The following TNFRSF11A variants were observed in gnomAD, a reference collection of about 807,000 sequenced individuals.
TNFRSF11A encodes TNF receptor superfamily member 11a, also known as tumor necrosis factor receptor superfamily member 11A.
In TNFRSF11A, 32 loss-of-function variants were observed where a neutral mutation model predicts 55.7. The observed-to-expected ratio is 0.57, with a 90% CI of 0.43 to 0.77. TNFRSF11A has a LOEUF of 0.77. Ranked by LOEUF, TNFRSF11A falls within the 30% of genes least tolerant of loss-of-function variation. TNFRSF11A has a pLI of 0.00. For missense variants in TNFRSF11A, 753 were observed against 809.8 expected, an observed-to-expected ratio of 0.93 and a Z score of 0.85; for synonymous variants, 311 against 331.0, an observed-to-expected ratio of 0.94 and a Z score of 0.65.
chr18:62,349,137 C>T (rs1274026823), intron 2 of TNFRSF11A, among the ~76,000 whole-genome samples: 3 of 150,820 alleles, frequency 2.0e-5, no homozygotes, highest in East Asian at 3.9e-4. Flanking sequence ...TCAAGTTCTG[C>T]GGCCCAGTTT....
chr18:62,359,333 A>G (rs17544634), intron 5 of TNFRSF11A, among the ~76,000 whole-genome samples: 4,036 of 152,316 alleles, frequency 0.026, 120 homozygotes, highest in East Asian at 0.14. Context: ...AAAAAGAGCA[A>G]TCAGCAAAAG....
intron 1 of TNFRSF11A, among the ~76,000 whole-genome samples, chr18:62,327,557 T>C (rs980531004): frequency 2.6e-5 from 4 of 152,250 alleles, no homozygotes; most frequent in Non-Finnish European, 5.9e-5. Context: ...AAGCTCTCTC[T>C]GTATTCAATG....
chr18:62,386,283 T>C lies in TNFRSF11A; in HGVS notation c.*1249T>C, dbSNP rs528208963. On this transcript the variant is annotated 3_prime_UTR_variant, in exon 10 of 10. Coordinates refer to ENST00000586569, the MANE Select transcript of TNFRSF11A (RefSeq NM_003839.4). ...AGTTGAAATTTTAATTTGCATTTTT[T>C]TTGTCTAGATAAGAATAGCGTGAAT... The C allele has an allele frequency of 6.6e-6, 1 of 152,314 alleles. No homozygotes were observed. The highest frequency in any genetic ancestry group is 1.9e-4 in the East Asian group (1 of 5,190). 9.4% of individuals were successfully genotyped at this position (152,314 alleles called of 1,614,324 possible).
Position 62,383,039 on chromosome 18 carries a change from C to T in TNFRSF11A, c.1568-1712C>T, listed in dbSNP as rs1911404772. On this transcript the variant is annotated intron_variant, in intron 9 of 9. Coordinates refer to ENST00000586569, the MANE Select transcript of TNFRSF11A (RefSeq NM_003839.4). The surrounding 1 kb of genome is among the most constrained non-coding windows in gnomAD (Gnocchi z 4.2). ...GACCCTCACTGGAGTACGCTGCATG[C>T]CTGGCAATGTGTGGAGAGGGGGTGG... is the stretch of plus-strand genomic sequence containing the variant. 6.6e-6 allele frequency among the ~76,000 whole-genome samples: 1 copy of T among 152,114 alleles called. No individual in the cohort carries two copies. The highest frequency in any genetic ancestry group is 1.5e-5 in the Non-Finnish European group (1 of 68,018).
chr18:62,361,872 T>C, intron 7 of TNFRSF11A, 79 bp downstream of exon 7: 2 of 1,238,672 alleles, frequency 1.6e-6, no homozygotes, highest in South Asian at 1.2e-5. Flanking sequence ...GTTGAGTAGA[T>C]TGTCTACTTG....
chr18:62,369,398 AG>A lies in TNFRSF11A; in HGVS notation c.1483del (p.Asp495MetfsTer31). 1 of 1,611,792 alleles carries A rather than the reference AG, an allele frequency of 6.2e-7. No homozygotes were observed. The highest frequency in any genetic ancestry group is 8.5e-7 in the Non-Finnish European group (1 of 1,179,972). On this transcript the variant is annotated frameshift_variant, in exon 9 of 10. Transcript: ENST00000586569. LOFTEE classifies it high-confidence loss of function. ...AGGACGGAGGCCAGAGACCAGCCCG[AG>A]GATGGGGCTGATGGGAGGCTCCCAA... is the stretch of plus-strand genomic sequence containing the variant. Reference protein sequence around the residue: ...ASRTEARDQPEDGADGRLPSS... With the variant: ...ASRTEARDQPXDGADGRLPSS...
At position 62,384,955 on chromosome 18, in the gene TNFRSF11A, C is replaced by T. The variant is rs1031616025; in HGVS notation, c.1772C>T (p.Pro591Leu). 4.7e-6 allele frequency: 7 copies of T among 1,497,452 alleles called. No homozygotes were observed. The highest frequency in any genetic ancestry group is 4.3e-5 in the African/African-American group (3 of 69,698). The allele number at this position is 1,497,452 out of a possible 1,614,324, so 92.8% of individuals were successfully genotyped here. A position where few individuals can be genotyped will look rare whatever the true frequency, so the allele number is the denominator to read the frequency against. ...GGGAACGGCCCGCGCTTCCCGGACC[C>T]GTGCGGCGGCCCCGAGGGGCTGCGG... ...FAGNGPRFPD[P>L]CGGPEGLREP... Residue 591 changes from proline (P) to leucine (L), a missense_variant, in exon 10 of 10, where the codon CCG (proline) becomes CTG (leucine). This residue lies in a region of TNFRSF11A where 567 missense variants were observed against 596.7 expected (regional missense o/e 0.95). Coordinates refer to ENST00000586569, the MANE Select transcript of TNFRSF11A (RefSeq NM_003839.4).
At chr18:62,368,643 A>G in intron 8 of TNFRSF11A, 58 bp from the exon 9 acceptor site, 1 of 1,579,066 alleles carries the variant, frequency 6.3e-7, no homozygotes, top group Non-Finnish European at 8.7e-7. Context: ...TGTTTAGCTA[A>G]ACTTGTCCTA....
intron 9 of TNFRSF11A, among the ~76,000 whole-genome samples, chr18:62,379,719 A>G (rs188461466): frequency 8.9e-4 from 136 of 152,304 alleles, no homozygotes; most frequent in African/African-American, 3.0e-3. Context: ...CAATTGGTAC[A>G]ATCAGTAGAC....
intron 1 of TNFRSF11A, among the ~76,000 whole-genome samples, chr18:62,346,051 C>A (rs899038183): frequency 6.6e-6 from 1 of 152,176 alleles, no homozygotes; most frequent in African/African-American, 2.4e-5. Context: ...TCTGACAGTG[C>A]CCCTAAGCAG....
rs12165104 is a variant in TNFRSF11A at position 62,383,408 on chromosome 18, G to A, written c.1568-1343G>A. On this transcript the variant is annotated intron_variant, in intron 9 of 9. Coordinates refer to ENST00000586569, the MANE Select transcript of TNFRSF11A (RefSeq NM_003839.4). The surrounding 1 kb of genome is among the most constrained non-coding windows in gnomAD (Gnocchi z 4.2). ...GCCTTCCAAATTCGAGGAAAATCTC[G>A]TGTGGAGTGGTAACAAAAACTTCAT... is the stretch of plus-strand genomic sequence containing the variant. Among the ~76,000 whole-genome samples, 28,313 of 152,124 alleles carry A rather than the reference G, an allele frequency of 0.19. 3,425 individuals carry two copies. Among genetic ancestry groups the A allele is most frequent in the Non-Finnish European group, 0.28 (18,706 of 67,996 alleles).
At chr18:62,336,047 C>A (rs1405459897) in intron 1 of TNFRSF11A, among the ~76,000 whole-genome samples, 1 of 152,190 alleles carries the variant, frequency 6.6e-6, no homozygotes, top group African/African-American at 2.4e-5. Context: ...AGGGCCAATT[C>A]TTCCTATACC....
intron 1 of TNFRSF11A, among the ~76,000 whole-genome samples, chr18:62,329,250 C>CAGT (rs1264338484): frequency 6.6e-6 from 1 of 152,186 alleles, no homozygotes; most frequent in Non-Finnish European, 1.5e-5. Context: ...TGATGGTACG[C>CAGT]AACTGTCCAG....
At position 62,385,131 on chromosome 18, in the gene TNFRSF11A, G is replaced by C. The variant is rs913266988; in HGVS notation, c.*97G>C. The C allele has an allele frequency of 4.6e-6, 6 of 1,317,078 alleles. No homozygotes were observed. In the African/African-American group the frequency reaches 4.7e-5, roughly 10 times the overall value. 81.6% of individuals were successfully genotyped at this position (1,317,078 alleles called of 1,614,324 possible). ...AGCCCCGGCCACCCAGGGATCGATCGGTACAGTCGAGGAAGACCACCCGGC... is the reference window on the plus strand; with the variant it reads ...AGCCCCGGCCACCCAGGGATCGATCCGTACAGTCGAGGAAGACCACCCGGC... On this transcript the variant is annotated 3_prime_UTR_variant, in exon 10 of 10. Transcript: ENST00000586569.
At chr18:62,357,929 C>G in intron 4 of TNFRSF11A, 1 of 331,444 alleles carries the variant, frequency 3.0e-6, no homozygotes, top group Non-Finnish European at 5.8e-6. Flanking sequence ...GGGAGTGGCT[C>G]AGAACAACAA....
Position 62,332,418 on chromosome 18 carries a change from A to G in TNFRSF11A, c.75+6991A>G, listed in dbSNP as rs887822977. Among the ~76,000 whole-genome samples the G allele has an allele frequency of 3.9e-5, 6 of 152,206 alleles. No homozygotes were observed. In the East Asian group the frequency reaches 1.2e-3, roughly 29 times the overall value. ...TAGTCAGATATACAAGCAGGATCAC[A>G]TCTAACACTTTCATGGTAATTGAGA... On this transcript the variant is annotated intron_variant, in intron 1 of 9. Coordinates refer to ENST00000586569, the MANE Select transcript of TNFRSF11A (RefSeq NM_003839.4).
chr18:62,379,079 GA>G (rs1911087929), intron 9 of TNFRSF11A, among the ~76,000 whole-genome samples: 1 of 152,190 alleles, frequency 6.6e-6, no homozygotes, highest in Non-Finnish European at 1.5e-5. Context: ...CGGTAAAGGG[GA>G]AAAAAACCAA....
intron 1 of TNFRSF11A, among the ~76,000 whole-genome samples, chr18:62,327,462 A>G (rs1359683130): frequency 6.6e-6 from 1 of 152,220 alleles, no homozygotes; most frequent in Admixed American, 6.5e-5. Context: ...CAACCTTCCC[A>G]GTAGAAATGC....
At chr18:62,368,427 A>G (rs1280676727) in intron 8 of TNFRSF11A, among the ~76,000 whole-genome samples, 6 of 152,188 alleles carry the variant, frequency 3.9e-5, no homozygotes, top group African/African-American at 1.2e-4. Context: ...ACTGTGTTCA[A>G]AAGTCATTTG....
Sources: allele counts gnomAD v4.1 joint callset (sites outside exome capture counted in the v4.1 genomes callset), GRCh38; gene constraint gnomAD v4.1.1; regional missense constraint gnomAD v4.1.1; non-coding constraint Gnocchi (gnomAD v3.1); transcripts MANE v1.5; gene names NCBI Gene and HGNC (gene_info 2026-07-23, HGNC 2026-07-21).